The following SLC9A2 variants were observed in gnomAD, a reference collection of about 807,000 sequenced individuals.
The protein encoded by SLC9A2 is sodium/hydrogen exchanger 2.
SLC9A2 carries 42 observed loss-of-function variants against 71.7 expected under a neutral mutation model. The ratio of observed to expected loss-of-function variants is 0.59; its 90% CI spans 0.46 to 0.76. The LOEUF (loss-of-function observed/expected upper bound fraction) is 0.76, where lower values mean the gene tolerates loss of function less well. Among genes scored for constraint, SLC9A2 ranks in the 30% least tolerant of loss-of-function variants. The pLI is 0.00. For missense variants in SLC9A2, 829 were observed against 1,017.4 expected (o/e 0.81, Z 2.52); for synonymous variants, 396 against 392.5 (o/e 1.01, Z -0.10).
intron 1 of SLC9A2, among the ~76,000 whole-genome samples, chr2:102,642,434 G>T (rs1039630095): frequency 6.6e-5 from 10 of 150,812 alleles, no homozygotes; most frequent in Non-Finnish European, 1.3e-4. Flanking sequence ...TAATCGTGTG[G>T]TTTTTTTTTT....
intron 5 of SLC9A2, among the ~76,000 whole-genome samples, chr2:102,688,809 T>C (rs1677606252): frequency 6.6e-6 from 1 of 152,156 alleles, no homozygotes; most frequent in Non-Finnish European, 1.5e-5. Flanking sequence ...TATTTTTCTT[T>C]GGAAGGAAAA....
At chr2:102,659,099 A>C (rs1221470583) in intron 2 of SLC9A2, among the ~76,000 whole-genome samples, 2 of 152,136 alleles carry the variant, frequency 1.3e-5, no homozygotes, top group Admixed American at 6.5e-5. Flanking sequence ...CTTATCATTA[A>C]AATGCCATTC....
At chr2:102,664,084 T>A (rs1184947510) in intron 2 of SLC9A2, among the ~76,000 whole-genome samples, 1 of 152,048 alleles carries the variant, frequency 6.6e-6, no homozygotes, top group Non-Finnish European at 1.5e-5. Flanking sequence ...AAGACCAGCC[T>A]GGCCAACATC....
At chr2:102,621,399 C>A (rs1276724917) in intron 1 of SLC9A2, among the ~76,000 whole-genome samples, 1 of 148,546 alleles carries the variant, frequency 6.7e-6, no homozygotes, top group Non-Finnish European at 1.5e-5. Context: ...CTACCTTTAA[C>A]TCTCATTTTG....
intron 1 of SLC9A2, among the ~76,000 whole-genome samples, chr2:102,655,885 G>A (rs1676929900): frequency 6.6e-6 from 1 of 152,188 alleles, no homozygotes; most frequent in Admixed American, 6.5e-5. Flanking sequence ...GAAGGCAGAG[G>A]GCATGTGAGA....
intron 1 of SLC9A2, among the ~76,000 whole-genome samples, chr2:102,626,020 G>C (rs1676239760): frequency 6.6e-6 from 1 of 152,146 alleles, no homozygotes; most frequent in Admixed American, 6.5e-5. Flanking sequence ...ATTCTAACTG[G>C]TGTGAGATGA....
At chr2:102,698,166 A>C (rs556813355) in intron 7 of SLC9A2, among the ~76,000 whole-genome samples, 3 of 152,294 alleles carry the variant, frequency 2.0e-5, no homozygotes, top group African/African-American at 4.8e-5. Context: ...GTCCTGGTCC[A>C]ATGGGCCTAA....
rs894280240 is a variant in SLC9A2 at position 102,684,219 on chromosome 2, A to T, written c.1308A>T (p.Gly436=). The T allele has an allele frequency of 2.5e-6, 4 of 1,613,910 alleles. No individual in the cohort carries two copies. Among genetic ancestry groups the T allele is most frequent in the Non-Finnish European group, 2.5e-6 (3 of 1,179,958 alleles). ...FKDQFIIAYG[G]LRGAICFALV... is the part of the protein sequence containing the mutation. ...ACCAGTTCATCATTGCCTATGGAGG[A>T]CTTCGAGGTGCCATCTGTTTTGCGT... The change falls in exon 5 of 12, where the codon GGA becomes GGT. Residue 436 remains glycine (G), a synonymous_variant. Transcript: ENST00000233969.
At chr2:102,633,143 C>T (rs1008600085) in intron 1 of SLC9A2, among the ~76,000 whole-genome samples, 1 of 152,106 alleles carries the variant, frequency 6.6e-6, no homozygotes, top group Non-Finnish European at 1.5e-5. Context: ...TTGAGCCAAG[C>T]GCTTTACATT....
At chr2:102,620,245 A>G in intron 1 of SLC9A2, 108 bp downstream of exon 1, 2 of 956,712 alleles carry the variant, frequency 2.1e-6, no homozygotes, top group Non-Finnish European at 3.1e-6. Flanking sequence ...CCTCATCTTG[A>G]ATCAGGGCAG....
rs950619136 is a variant in SLC9A2, at chr2:102,630,755, T to C, written c.289+10618T>C. Among the ~76,000 whole-genome samples the C allele has an allele frequency of 2.0e-5, 3 of 151,980 alleles. No homozygotes were observed. The South Asian group carries it at 6.2e-4, about 31-fold the overall frequency. ...ATTTTCATTTAAGCTGTTTGGGCCCTTTTTCAAGTCTATTTGTGTTTTGTT... is the reference window on the plus strand; with the variant it reads ...ATTTTCATTTAAGCTGTTTGGGCCCCTTTTCAAGTCTATTTGTGTTTTGTT... On this transcript the variant is annotated intron_variant, in intron 1 of 11. Coordinates refer to ENST00000233969, the MANE Select transcript of SLC9A2 (RefSeq NM_003048.6).
chr2:102,643,744 GCTTTTTTCAT>G (rs1414669470), intron 1 of SLC9A2, among the ~76,000 whole-genome samples: 1 of 151,990 alleles, frequency 6.6e-6, no homozygotes, highest in Non-Finnish European at 1.5e-5. Context: ...GTTTTTTTCT[GCTTTTTTCAT>G]CTTTTTTCAT....
At chr2:102,691,449 C>T (rs1677660296) in intron 5 of SLC9A2, among the ~76,000 whole-genome samples, 2 of 152,236 alleles carry the variant, frequency 1.3e-5, no homozygotes, top group East Asian at 1.9e-4. Context: ...ACCAGACACC[C>T]AGGCTCCTAG....
chr2:102,665,369 A>G lies in SLC9A2; in HGVS notation c.1004+19A>G, dbSNP rs752515180. 2 of 1,597,936 alleles carry G rather than the reference A, an allele frequency of 1.3e-6. No homozygotes were observed. Among genetic ancestry groups the G allele is most frequent in the East Asian group, 4.5e-5 (2 of 44,524 alleles). On this transcript the variant is annotated intron_variant, in intron 3 of 11. Coordinates refer to ENST00000233969, the MANE Select transcript of SLC9A2 (RefSeq NM_003048.6). ...TCATGGCGTAAGTACTTCTTTGTTA[A>G]AAGTGCTCGATGATGGCATTTCATT...
intron 1 of SLC9A2, among the ~76,000 whole-genome samples, chr2:102,650,279 T>C (rs942061434): frequency 6.6e-6 from 1 of 151,924 alleles, no homozygotes; most frequent in Non-Finnish European, 1.5e-5. Flanking sequence ...TGAGAACATA[T>C]AGACACAGAG....
chr2:102,656,722 T>C (rs1029047873), intron 1 of SLC9A2, among the ~76,000 whole-genome samples: 1 of 151,820 alleles, frequency 6.6e-6, no homozygotes, highest in Non-Finnish European at 1.5e-5. Context: ...CAGATGAGAG[T>C]AGTAATCTAA....
chr2:102,649,264 T>C (rs1355208730), intron 1 of SLC9A2, among the ~76,000 whole-genome samples: 1 of 152,174 alleles, frequency 6.6e-6, no homozygotes, highest in Non-Finnish European at 1.5e-5. Context: ...GAAAACTGGC[T>C]AGCCATATGT....
At chr2:102,690,888 T>A (rs1309871143) in intron 5 of SLC9A2, among the ~76,000 whole-genome samples, 4 of 148,810 alleles carry the variant, frequency 2.7e-5, no homozygotes, top group Non-Finnish European at 4.5e-5. Flanking sequence ...CAAGGAAATA[T>A]AAGTTTCTCT....
At chr2:102,656,457 G>A (rs910564972) in intron 1 of SLC9A2, among the ~76,000 whole-genome samples, 2 of 152,140 alleles carry the variant, frequency 1.3e-5, no homozygotes, top group African/African-American at 4.8e-5. Context: ...ATAGCACTTG[G>A]CTGGGGCTTG....
Sources: allele counts gnomAD v4.1 joint callset (sites outside exome capture counted in the v4.1 genomes callset), GRCh38; gene constraint gnomAD v4.1.1; transcripts MANE v1.5; gene names NCBI Gene and HGNC (gene_info 2026-07-23, HGNC 2026-07-21).